Variants in AGT observed in about 807,000 individuals in gnomAD.
The protein encoded by AGT is alpha-1 antiproteinase, antitrypsin.
A neutral mutation model predicts 28.1 loss-of-function variants in AGT; 26 were observed. That is an observed-to-expected ratio of 0.92 (90% confidence interval 0.68 to 1.28). The LOEUF is 1.28. Ranked by LOEUF, AGT falls within the 50% of genes most tolerant of loss-of-function variation. The pLI is 0.00. For missense variants in AGT, 596 were observed against 592.3 expected (o/e 1.01, Z -0.06); for synonymous variants, 259 against 259.6 (o/e 1.00, Z 0.02).
At chr1:230,715,150 G>C (rs1663703438), upstream of AGT, among the ~76,000 whole-genome samples, 1 of 152,168 alleles carries the variant, frequency 6.6e-6, no homozygotes. Context: ...AAGAGATGGT[G>C]CCTGGATATG....
chr1:230,715,217 T>C (rs1663705034), upstream of AGT, among the ~76,000 whole-genome samples: 1 of 152,194 alleles, frequency 6.6e-6, no homozygotes. Context: ...AATACCTCTT[T>C]TTTACCCATT....
intron 1 of AGT, among the ~76,000 whole-genome samples, chr1:230,745,181 C>G (rs1303663041): frequency 6.6e-6 from 1 of 152,184 alleles, no homozygotes; most frequent in African/African-American, 2.4e-5. Context: ...CAAGTTGAGG[C>G]AAGTCAGGCT....
intron 1 of AGT, among the ~76,000 whole-genome samples, chr1:230,711,945 C>T (rs533962905): frequency 6.6e-6 from 1 of 152,270 alleles, no homozygotes; most frequent in East Asian, 1.9e-4. Flanking sequence ...GCTTCAGCCT[C>T]AGCTGCTACA....
At chr1:230,707,608 G>A (rs917721335) in intron 2 of AGT, among the ~76,000 whole-genome samples, 27 of 152,176 alleles carry the variant, frequency 1.8e-4, no homozygotes, top group African/African-American at 6.0e-4. Flanking sequence ...GCATGTGAGC[G>A]GGAAACTGCA....
At chr1:230,704,898 A>C (rs1663336873) in intron 3 of AGT, among the ~76,000 whole-genome samples, 2 of 152,238 alleles carry the variant, frequency 1.3e-5, no homozygotes. Flanking sequence ...CCATGTTTAC[A>C]GGGTACACTG....
intron 1 of AGT, among the ~76,000 whole-genome samples, chr1:230,745,354 G>A (rs756333664): frequency 2.0e-5 from 3 of 152,276 alleles, no homozygotes; most frequent in East Asian, 1.9e-4. Context: ...AGGCAGCACC[G>A]ATTATCCTGA....
intron 1 of AGT, among the ~76,000 whole-genome samples, chr1:230,721,487 T>G (rs1208657279): frequency 6.6e-6 from 1 of 152,230 alleles, no homozygotes; most frequent in Admixed American, 6.5e-5. Flanking sequence ...GGGACACTGC[T>G]GTAAAGATAT....
chr1:230,719,414 T>TGTTTGTTTG (rs1558291320), upstream of AGT, among the ~76,000 whole-genome samples: 8 of 104,334 alleles, frequency 7.7e-5, no homozygotes, highest in Admixed American at 9.2e-5. Context: ...ATGTTTTTTT[T>TGTTTGTTTG]TTTTTTTTTT....
At chr1:230,730,687 T>A (rs1410166622) in intron 1 of AGT, among the ~76,000 whole-genome samples, 1 of 152,228 alleles carries the variant, frequency 6.6e-6, no homozygotes, top group Non-Finnish European at 1.5e-5. Flanking sequence ...TCTGGTTTAA[T>A]GTTTTTCTCA....
At chr1:230,721,867 G>A (rs182269110) in intron 1 of AGT, among the ~76,000 whole-genome samples, 1 of 152,182 alleles carries the variant, frequency 6.6e-6, no homozygotes, top group Admixed American at 6.5e-5. Context: ...GCATCCTGAT[G>A]ATGGGGTAGA....
At chr1:230,743,969 T>C (rs1335906411) in intron 1 of AGT, among the ~76,000 whole-genome samples, 1 of 152,232 alleles carries the variant, frequency 6.6e-6, no homozygotes, top group Non-Finnish European at 1.5e-5. Flanking sequence ...GTTCATTTCA[T>C]GTAGAAATCA....
intron 1 of AGT, among the ~76,000 whole-genome samples, chr1:230,731,927 G>A (rs4846868): frequency 0.15 from 23,009 of 151,654 alleles, 2,319 homozygotes; most frequent in East Asian, 0.49. Context: ...GCTTCCTAAG[G>A]CACAAATCTT....
chr1:230,740,900 T>C (rs1400489943), intron 1 of AGT, among the ~76,000 whole-genome samples: 3 of 152,158 alleles, frequency 2.0e-5, no homozygotes, highest in Non-Finnish European at 4.4e-5. Flanking sequence ...TGAGCCAAGA[T>C]CGCACCACTG....
upstream of AGT, among the ~76,000 whole-genome samples, chr1:230,718,590 AC>A (rs568020514): frequency 1.0e-3 from 134 of 127,876 alleles, no homozygotes; most frequent in African/African-American, 4.3e-3. Context: ...CTGTATATTC[AC>A]TTTAAAAAAA....
chr1:230,712,271 G>A (rs951799894), intron 1 of AGT, among the ~76,000 whole-genome samples: 4 of 152,030 alleles, frequency 2.6e-5, no homozygotes, highest in African/African-American at 9.7e-5. Context: ...TTCTTACATT[G>A]GCAGCTGGCT....
intron 1 of AGT, among the ~76,000 whole-genome samples, chr1:230,739,010 T>A (rs1195559162): frequency 1.3e-5 from 2 of 152,102 alleles, no homozygotes; most frequent in African/African-American, 4.8e-5. Flanking sequence ...TGGTAAGGCA[T>A]GTTAGGGATA....
intron 1 of AGT, among the ~76,000 whole-genome samples, chr1:230,736,542 A>C (rs1664161529): frequency 6.6e-6 from 1 of 152,072 alleles, no homozygotes; most frequent in South Asian, 2.1e-4. Context: ...TATTTCGAAC[A>C]CTTTTGTTTC....
rs1005539327 is a variant in AGT at position 230,710,820 on chromosome 1, C to T, written c.4G>A (p.Ala2Thr). The change falls in exon 2 of 5, where the codon GCT (alanine) becomes ACT (threonine). Residue 2 changes from alanine (A) to threonine (T), a missense_variant. Physicochemically the swap from Ala to Thr is moderately conservative, Grantham distance 58 (BLOSUM62 0). Coordinates refer to ENST00000366667, the MANE Select transcript of AGT (RefSeq NM_001384479.1). M[A>T]PAGVSLRATI... is the part of the protein sequence containing the mutation. ...GCCCTCAGGCTCACACCGGCAGGAGCCATCTCAGACTGGGGTGCTCGCTTC... is the reference window on the plus strand; with the variant it reads ...GCCCTCAGGCTCACACCGGCAGGAGTCATCTCAGACTGGGGTGCTCGCTTC... 6.2e-7 allele frequency: 1 copy of T among 1,613,942 alleles called. No individual in the cohort carries two copies. The highest frequency in any genetic ancestry group is 8.5e-7 in the Non-Finnish European group (1 of 1,180,026).
Position 230,703,307 on chromosome 1 carries a change from T to G in AGT, c.1265A>C (p.Glu422Ala). ...VGEVLNSIFF[E>A]LEADEREPTE... is the part of the protein sequence containing the mutation. Reference sequence around the variant, plus strand: ...GGGCTCTCTCTCATCCGCTTCAAGCTCAAAAAAAATGCTGTTCAGCACCTG... The same window carrying G: ...GGGCTCTCTCTCATCCGCTTCAAGCGCAAAAAAAATGCTGTTCAGCACCTG... The change falls in exon 5 of 5, where the codon GAG (glutamate) becomes GCG (alanine). Residue 422 changes from glutamate to alanine, a missense_variant. Transcript: ENST00000366667. 1 of 1,613,982 alleles carries G rather than the reference T, an allele frequency of 6.2e-7. No homozygotes were observed. The highest frequency in any genetic ancestry group is 1.1e-5 in the South Asian group (1 of 91,066).
Sources: gnomAD v4.1 joint callset for allele counts (sites outside exome capture counted in the v4.1 genomes callset) on GRCh38, gnomAD v4.1.1 for gene constraint, MANE v1.5 for transcripts, NCBI Gene and HGNC (gene_info 2026-07-23, HGNC 2026-07-21) for gene names.